Variants in PCDHGB1 observed in about 807,000 individuals in gnomAD.
The protein encoded by PCDHGB1 is protocadherin gamma subfamily B, 1, also known as protocadherin gamma-B1.
Under a neutral mutation model 56.6 loss-of-function variants are expected in PCDHGB1, and 34 were observed. The observed-to-expected ratio is 0.60, with a 90% confidence interval of 0.46 to 0.80. The LOEUF is 0.80. Ranked by LOEUF, PCDHGB1 falls within the 30% of genes least tolerant of loss-of-function variation. The probability of loss-of-function intolerance (pLI) is 0.00; values close to 1 mark genes in which losing one functional copy is unlikely to be tolerated. For synonymous variants in PCDHGB1, 561 were observed against 505.9 expected (o/e 1.11, Z -1.46); for missense variants, 1,278 against 1,204.6 (o/e 1.06, Z -0.90).
intron 1 of PCDHGB1, among the ~76,000 whole-genome samples, chr5:141,481,913 CAAAAA>C (rs34114744): frequency 1.1e-5 from 1 of 90,852 alleles, no homozygotes; most frequent in Non-Finnish European, 2.2e-5. Flanking sequence ...AACTCCATCT[CAAAAA>C]AAAAAAAAAA....
At chr5:141,376,318 G>C (rs373956139) in intron 1 of PCDHGB1, 6 of 1,614,200 alleles carry the variant, frequency 3.7e-6, no homozygotes, top group East Asian at 4.5e-5. Context: ...GCGTGGAAGG[G>C]GTTCGGGCTT....
intron 1 of PCDHGB1, chr5:141,382,982 C>A (rs1778673770): frequency 6.2e-7 from 1 of 1,612,206 alleles, no homozygotes; most frequent in Non-Finnish European, 8.5e-7. Flanking sequence ...GAAGCCTGGG[C>A]AGGACGTATT....
At chr5:141,496,662 T>A (rs557106775) in intron 2 of PCDHGB1, among the ~76,000 whole-genome samples, 1 of 152,344 alleles carries the variant, frequency 6.6e-6, no homozygotes, top group African/African-American at 2.4e-5. Flanking sequence ...TGACCCCAGC[T>A]GTTGTCCTTC....
chr5:141,355,101 G>T, intron 1 of PCDHGB1: 2 of 1,500,200 alleles, frequency 1.3e-6, no homozygotes, highest in Non-Finnish European at 1.8e-6. Flanking sequence ...GAGAGCTCTG[G>T]CTGTGAATGC....
At chr5:141,403,732 G>A (rs1472288445) in intron 1 of PCDHGB1, 2 of 1,613,932 alleles carry the variant, frequency 1.2e-6, no homozygotes, top group Non-Finnish European at 1.7e-6. Context: ...CAGGCACCTG[G>A]CTGCTTACTG....
At position 141,421,448 on chromosome 5, in the gene PCDHGB1, A is replaced by G. The variant is rs772957069; in HGVS notation, c.2409+68779A>G. On this transcript the variant is annotated intron_variant, in intron 1 of 3. Coordinates refer to ENST00000523390, the MANE Select transcript of PCDHGB1 (RefSeq NM_018922.3). ...CGCATCGTCTCCAGAGGGAAGACAC[A>G]GCTTTTCGCTGTGAATCCGCGAAGC... The G allele has an allele frequency of 7.8e-5, 126 of 1,614,014 alleles. No individual in the cohort carries two copies. The highest frequency in any genetic ancestry group is 1.0e-4 in the Non-Finnish European group (119 of 1,179,944).
chr5:141,405,815 T>C (rs755764286), intron 1 of PCDHGB1, among the ~76,000 whole-genome samples: 14 of 103,812 alleles, frequency 1.3e-4, no homozygotes, highest in Non-Finnish European at 2.3e-4. Flanking sequence ...TCTTTAACTG[T>C]CTGTACTTAA....
At chr5:141,360,790 G>C in intron 1 of PCDHGB1, 1 of 1,613,878 alleles carries the variant, frequency 6.2e-7, no homozygotes, top group Non-Finnish European at 8.5e-7. Context: ...GGATGGCGGA[G>C]ACCCACCTCA....
rs529029548 is a variant in PCDHGB1 at position 141,483,337 on chromosome 5, T to C, written c.2410-11470T>C. 9.2e-5 allele frequency among the ~76,000 whole-genome samples: 14 copies of C among 152,260 alleles called. No homozygotes were observed. In the East Asian group the frequency reaches 2.5e-3, roughly 27 times the overall value. On this transcript the variant is annotated intron_variant, in intron 1 of 3. Transcript: ENST00000523390. Reference sequence around the variant, plus strand: ...TGGGACTGGAGGCAAAGAGATCTTATCTCTTTGCAATAGTTTGAAAGCTAT... The same window carrying C: ...TGGGACTGGAGGCAAAGAGATCTTACCTCTTTGCAATAGTTTGAAAGCTAT...
rs562057533 is a variant in PCDHGB1, at chr5:141,365,545, A to T, written c.2409+12876A>T. 16 of 1,613,796 alleles carry T rather than the reference A, an allele frequency of 9.9e-6. No homozygotes were observed. In the South Asian group the frequency reaches 1.4e-4, roughly 14 times the overall value. ...CAGTTGATAATTACTATCACCTATT[A>T]ACAACTAGGGACCTGGACAGAGAAG... On this transcript the variant is annotated intron_variant, in intron 1 of 3. Coordinates refer to ENST00000523390, the MANE Select transcript of PCDHGB1 (RefSeq NM_018922.3).
intron 1 of PCDHGB1, among the ~76,000 whole-genome samples, chr5:141,451,703 A>G (rs975120935): frequency 6.6e-6 from 1 of 152,144 alleles, no homozygotes; most frequent in Non-Finnish European, 1.5e-5. Flanking sequence ...GTAACATGAC[A>G]AAACCCTGCC....
chr5:141,427,146 A>G (rs901147622), intron 1 of PCDHGB1: 10 of 456,872 alleles, frequency 2.2e-5, no homozygotes, highest in Admixed American at 7.0e-5. Context: ...TGATATTGGA[A>G]ATATGTTTGT....
At position 141,489,720 on chromosome 5, in the gene PCDHGB1, G is replaced by T. The variant is rs560729125; in HGVS notation, c.2410-5087G>T. 1.9e-6 allele frequency: 3 copies of T among 1,614,200 alleles called. No individual in the cohort carries two copies. Among genetic ancestry groups the T allele is most frequent in the Middle Eastern group, 1.6e-4 (1 of 6,062 alleles). ...TCCCACTGGACAGTGCCCAGGATCC[G>T]GATGTGGGCACCAATACTGTGAGCT... On this transcript the variant is annotated intron_variant, in intron 1 of 3. Transcript: ENST00000523390. This position sits in a 1 kb window ranked among gnomAD's most constrained non-coding sequence, Gnocchi z 4.5.
intron 1 of PCDHGB1, chr5:141,388,238 C>G (rs546808390): frequency 3.7e-6 from 6 of 1,607,696 alleles, no homozygotes; most frequent in Non-Finnish European, 5.1e-6. Context: ...ACTTTTATCA[C>G]GTGAATGTGG....
At chr5:141,361,241 T>TA in intron 1 of PCDHGB1, 1 of 1,613,960 alleles carries the variant, frequency 6.2e-7, no homozygotes, top group South Asian at 1.1e-5. Context: ...ATCGCCTTGA[T>TA]AAAAACGAGA....
intron 1 of PCDHGB1, chr5:141,419,197 T>C (rs560134083): frequency 1.2e-6 from 2 of 1,613,966 alleles, no homozygotes; most frequent in South Asian, 1.1e-5. Flanking sequence ...CTGACGTCAA[T>C]GACAACGCGC....
intron 1 of PCDHGB1, chr5:141,355,083 G>A: frequency 7.0e-7 from 1 of 1,436,492 alleles, no homozygotes; most frequent in South Asian, 1.5e-5. Flanking sequence ...GCTTCAAGCG[G>A]AAGCCCTGAG....
At position 141,399,929 on chromosome 5, in the gene PCDHGB1, C is replaced by T. The variant is rs746168026; in HGVS notation, c.2409+47260C>T. 15 of 1,612,262 alleles carry T rather than the reference C, an allele frequency of 9.3e-6. No homozygotes were observed. The African/African-American group carries it at 1.1e-4, about 11-fold the overall frequency. On this transcript the variant is annotated intron_variant, in intron 1 of 3. Coordinates refer to ENST00000523390, the MANE Select transcript of PCDHGB1 (RefSeq NM_018922.3). ...GACTCAGGACACAACGCCTGGCTGT[C>T]CTACCACGTGCTGCAGGCTAGCGAG...
At chr5:141,427,984 C>G (rs754620535) in intron 1 of PCDHGB1, 2 of 1,597,494 alleles carry the variant, frequency 1.3e-6, no homozygotes, top group South Asian at 2.2e-5. Flanking sequence ...GCGCTGGGGC[C>G]CGATGGCTCC....
Sources: allele counts gnomAD v4.1 joint callset (sites outside exome capture counted in the v4.1 genomes callset), GRCh38; gene constraint gnomAD v4.1.1; non-coding constraint Gnocchi (gnomAD v3.1); transcripts MANE v1.5; gene names NCBI Gene and HGNC (gene_info 2026-07-23, HGNC 2026-07-21).